Variants in STK3 observed in about 807,000 individuals in gnomAD.
STK3 encodes serine/threonine kinase 3, also known as serine/threonine-protein kinase 3.
In STK3, 41 loss-of-function variants were observed where a neutral mutation model predicts 58.0. The observed-to-expected ratio is 0.71, with a 90% CI of 0.55 to 0.92. The LOEUF is 0.92. Among genes scored for constraint, STK3 ranks in the 40% least tolerant of loss-of-function variants. The pLI is 0.00. For missense variants in STK3, 479 were observed against 602.7 expected (o/e 0.79, Z 2.15); for synonymous variants, 170 against 191.0 (o/e 0.89, Z 0.91).
intron 3 of STK3, among the ~76,000 whole-genome samples, chr8:98,421,461 A>G (rs1271983808): frequency 6.6e-6 from 1 of 152,164 alleles, no homozygotes. Flanking sequence ...GTTTAAATTT[A>G]ATCAAACTTC....
chr8:98,834,917 G>A (rs1197643989), intron 3 of STK3, among the ~76,000 whole-genome samples: 5 of 152,276 alleles, frequency 3.3e-5, no homozygotes, highest in Non-Finnish European at 5.9e-5. Context: ...TTACAAGTGG[G>A]GTGTAAGGAA....
intron 4 of STK3, among the ~76,000 whole-genome samples, chr8:98,743,104 T>C (rs1013646137): frequency 3.3e-5 from 5 of 152,008 alleles, no homozygotes; most frequent in African/African-American, 1.2e-4. Flanking sequence ...TGGAAGAACA[T>C]TCCATGCTCA....
At chr8:98,701,192 G>C (rs971154998) in intron 6 of STK3, among the ~76,000 whole-genome samples, 1 of 148,634 alleles carries the variant, frequency 6.7e-6, no homozygotes, top group East Asian at 1.9e-4. Context: ...AAGGAAGGGA[G>C]GGAGGGAGGG....
chr8:98,385,924 C>A (rs1323810014), intron 1 of STK3, among the ~76,000 whole-genome samples: 1 of 152,002 alleles, frequency 6.6e-6, no homozygotes, highest in African/African-American at 2.4e-5. Flanking sequence ...TTCATGGGTT[C>A]AGAGAATAAT....
intron 5 of STK3, 88 bp downstream of exon 5, chr8:98,707,059 T>C (rs1826019397): frequency 1.5e-6 from 2 of 1,371,644 alleles, no homozygotes; most frequent in Middle Eastern, 1.9e-4. Flanking sequence ...TTTCTTTCCA[T>C]TCCCCCTCAA....
chr8:98,886,112 C>T (rs1275259445), intron 1 of STK3, among the ~76,000 whole-genome samples: 4 of 152,144 alleles, frequency 2.6e-5, no homozygotes, highest in Non-Finnish European at 4.4e-5. Context: ...TATGGTAGAA[C>T]AGTCCTGTAT....
At chr8:98,387,873 CTTT>C (rs548274056) in intron 1 of STK3, among the ~76,000 whole-genome samples, 2 of 135,034 alleles carry the variant, frequency 1.5e-5, no homozygotes, top group Non-Finnish European at 1.6e-5. Flanking sequence ...GTAAAATGCC[CTTT>C]TTTTTTTTTT....
intron 10 of STK3, among the ~76,000 whole-genome samples, chr8:98,500,256 G>C (rs1823468004): frequency 6.6e-6 from 1 of 152,138 alleles, no homozygotes; most frequent in Non-Finnish European, 1.5e-5. Flanking sequence ...AAGAAGGCTG[G>C]TGTGGTGGCT....
intron 6 of STK3, among the ~76,000 whole-genome samples, chr8:98,669,648 G>A (rs528656888): frequency 9.9e-5 from 15 of 152,120 alleles, no homozygotes; most frequent in Non-Finnish European, 2.2e-4. Context: ...CGTCAAGGAA[G>A]TATCCCAAAA....
intron 6 of STK3, among the ~76,000 whole-genome samples, chr8:98,705,362 A>T (rs987836331): frequency 6.6e-6 from 1 of 151,824 alleles, no homozygotes; most frequent in Admixed American, 6.6e-5. Context: ...CGAGTGAGCC[A>T]TGATCGCACT....
At chr8:98,556,541 G>A (rs918002244) in intron 8 of STK3, among the ~76,000 whole-genome samples, 5 of 152,026 alleles carry the variant, frequency 3.3e-5, no homozygotes, top group Non-Finnish European at 7.4e-5. Flanking sequence ...AGAAATAACC[G>A]AGAACAAAAG....
intron 3 of STK3, among the ~76,000 whole-genome samples, chr8:98,765,314 A>G (rs532101360): frequency 6.6e-6 from 1 of 152,296 alleles, no homozygotes; most frequent in East Asian, 1.9e-4. Flanking sequence ...TATGGGAAAT[A>G]TGTAACATAA....
At chr8:98,796,763 A>G (rs1048759448) in intron 1 of STK3, among the ~76,000 whole-genome samples, 1 of 152,210 alleles carries the variant, frequency 6.6e-6, no homozygotes, top group African/African-American at 2.4e-5. Flanking sequence ...CAAAAAGTAA[A>G]AAGCAAATAA....
intron 1 of STK3, among the ~76,000 whole-genome samples, chr8:98,381,851 A>G (rs967263913): frequency 6.6e-6 from 1 of 152,236 alleles, no homozygotes; most frequent in African/African-American, 2.4e-5. Context: ...AAGGTGAATG[A>G]GGTGGTCATG....
chr8:98,740,676 A>G (rs1464436518), intron 4 of STK3, among the ~76,000 whole-genome samples: 2 of 152,232 alleles, frequency 1.3e-5, no homozygotes, highest in African/African-American at 4.8e-5. Flanking sequence ...CTAGGAAGAA[A>G]CGGTATCAAC....
rs559810873 is a variant in STK3, at chr8:98,607,344, T to C, written c.685-11175A>G. Among the ~76,000 whole-genome samples the C allele has an allele frequency of 7.2e-5, 11 of 152,318 alleles. No individual in the cohort carries two copies. The East Asian group carries it at 2.1e-3, about 29-fold the overall frequency. Reference sequence around the variant, plus strand: ...GCCATTCTTTTCCTTTTTCTCTCAATTGACATTTGCACTACAGGTACAAAA... The same window carrying C: ...GCCATTCTTTTCCTTTTTCTCTCAACTGACATTTGCACTACAGGTACAAAA... On this transcript the variant is annotated intron_variant, in intron 6 of 10. Coordinates refer to ENST00000419617, the MANE Select transcript of STK3 (RefSeq NM_006281.4).
At chr8:98,607,542 A>C (rs1327076913) in intron 6 of STK3, among the ~76,000 whole-genome samples, 1 of 152,246 alleles carries the variant, frequency 6.6e-6, no homozygotes, top group Non-Finnish European at 1.5e-5. Flanking sequence ...TCTTTTTAGC[A>C]AATCTTTTTA....
intron 6 of STK3, among the ~76,000 whole-genome samples, chr8:98,678,729 T>C (rs1563880795): frequency 6.6e-6 from 1 of 152,208 alleles, no homozygotes; most frequent in African/African-American, 2.4e-5. Context: ...ATGGGCACAG[T>C]AGATACACAA....
rs971384386 is a variant in STK3 at position 98,889,245 on chromosome 8, A to G, written c.-78-5411T>C. On this transcript the variant is annotated intron_variant, in intron 1 of 1. Coordinates refer to the STK3 transcript ENST00000519420. Reference sequence around the variant, plus strand: ...AGAGCCAGTGTTCAACAGGCAGAACAAACAAACATGCAAAGATAAAATGCA... The same window carrying G: ...AGAGCCAGTGTTCAACAGGCAGAACGAACAAACATGCAAAGATAAAATGCA... Among the ~76,000 whole-genome samples the G allele has an allele frequency of 7.9e-5, 12 of 152,334 alleles. No individual in the cohort carries two copies. The East Asian group carries it at 1.9e-3, about 24-fold the overall frequency.
Sources: allele counts gnomAD v4.1 joint callset (sites outside exome capture counted in the v4.1 genomes callset), GRCh38; gene constraint gnomAD v4.1.1; transcripts MANE v1.5; gene names NCBI Gene and HGNC (gene_info 2026-07-23, HGNC 2026-07-21).